The following CAPN13 variants were observed in gnomAD, a reference collection of about 807,000 sequenced individuals.
CAPN13 encodes calpain 13.
Under a neutral mutation model 98.4 loss-of-function variants are expected in CAPN13, and 90 were observed. The observed-to-expected ratio is 0.92, with a 90% CI of 0.77 to 1.09. The LOEUF (loss-of-function observed/expected upper bound fraction) is 1.09, where lower values mean the gene tolerates loss of function less well. Ranked by LOEUF, CAPN13 falls within the 50% of genes least tolerant of loss-of-function variation. CAPN13 has a pLI of 0.00. For synonymous variants in CAPN13, 330 were observed against 305.5 expected, an observed-to-expected ratio of 1.08 and a Z score of -0.84; for missense variants, 887 against 841.3, an observed-to-expected ratio of 1.05 and a Z score of -0.67.
intron 5 of CAPN13, among the ~76,000 whole-genome samples, chr2:30,770,096 C>T (rs1673321530): frequency 1.3e-5 from 2 of 152,214 alleles, no homozygotes; most frequent in African/African-American, 2.4e-5. Flanking sequence ...ATTGTCAGTG[C>T]ATATCTCTGT....
chr2:30,758,232 T>C, intron 7 of CAPN13, 95 bp from the exon 8 acceptor site: 1 of 889,056 alleles, frequency 1.1e-6, no homozygotes. Flanking sequence ...CAAGGACCAA[T>C]TTAACTTCTG....
chr2:30,771,329 G>T (rs1673397868), intron 4 of CAPN13, among the ~76,000 whole-genome samples: 1 of 152,226 alleles, frequency 6.6e-6, no homozygotes, highest in African/African-American at 2.4e-5. Flanking sequence ...TCCATGGAAA[G>T]CTGGGTGGAT....
chr2:30,793,305 T>G (rs919830415), intron 1 of CAPN13, among the ~76,000 whole-genome samples: 4 of 151,622 alleles, frequency 2.6e-5, no homozygotes, highest in East Asian at 1.9e-4. Flanking sequence ...AAAATTATAT[T>G]ATTATATAAT....
rs377670778 is a variant in CAPN13 at position 30,794,390 on chromosome 2, G to C, written c.-32-7033C>G. Among the ~76,000 whole-genome samples, 149 of 151,958 alleles carry C rather than the reference G, an allele frequency of 9.8e-4. 4 individuals are homozygous for C. The South Asian group carries it at 0.03, about 31-fold the overall frequency. ...TTTCTAATGGCCTAAAATTTAAAAA[G>C]ACTGATCACACTGTTTATGGGGAGA... is the stretch of plus-strand genomic sequence containing the variant. On this transcript the variant is annotated intron_variant, in intron 1 of 22. Coordinates refer to ENST00000295055, the MANE Select transcript of CAPN13 (RefSeq NM_144575.3).
chr2:30,806,481 G>T (rs1675634034), intron 1 of CAPN13, among the ~76,000 whole-genome samples: 1 of 152,178 alleles, frequency 6.6e-6, no homozygotes, highest in South Asian at 2.1e-4. Context: ...AATTCAAGAG[G>T]ATAATCTGAT....
intron 3 of CAPN13, 136 bp downstream of exon 3, chr2:30,777,431 G>A: frequency 2.8e-6 from 2 of 723,564 alleles, no homozygotes; most frequent in South Asian, 1.7e-5. Context: ...TGCAGGACTG[G>A]GCGTGAGCAG....
At chr2:30,738,676 CT>C (rs1453000792) in intron 15 of CAPN13, among the ~76,000 whole-genome samples, 1 of 152,192 alleles carries the variant, frequency 6.6e-6, no homozygotes, top group African/African-American at 2.4e-5. Flanking sequence ...TGCTTGGCCC[CT>C]GGTGTGGGTG....
chr2:30,758,134 G>T lies in CAPN13; in HGVS notation c.778C>A (p.Gln260Lys). 6.3e-7 allele frequency: 1 copy of T among 1,597,182 alleles called. No individual in the cohort carries two copies. Among genetic ancestry groups the T allele is most frequent in the Non-Finnish European group, 8.5e-7 (1 of 1,172,328 alleles). The change falls in exon 8 of 23, where the codon CAA becomes AAA. Residue 260 changes from glutamine to lysine, a missense_variant. Physicochemically the swap from Gln to Lys is moderately conservative, Grantham distance 53. Transcript: ENST00000295055. The part of the protein sequence containing the change: ...AYTVTGAEQI[Q>K]YRRGWEEIIS... ...ATTTCTTCCCAGCCCCTTCGGTATTGAATCTGTAAAGAAAACAGAAAAGGA... is the reference window on the plus strand; with the variant it reads ...ATTTCTTCCCAGCCCCTTCGGTATTTAATCTGTAAAGAAAACAGAAAAGGA...
intron 20 of CAPN13, among the ~76,000 whole-genome samples, chr2:30,731,929 A>T (rs1425874528): frequency 6.6e-6 from 1 of 152,082 alleles, no homozygotes; most frequent in African/African-American, 2.4e-5. Flanking sequence ...TCCTGCAATC[A>T]TGGTGGCCCC....
At chr2:30,756,329 C>T (rs1244833334) in intron 8 of CAPN13, among the ~76,000 whole-genome samples, 1 of 152,154 alleles carries the variant, frequency 6.6e-6, no homozygotes, top group African/African-American at 2.4e-5. Flanking sequence ...ATGCGTCCCC[C>T]TCCTATCTAG....
At chr2:30,757,260 G>T (rs148914048) in intron 8 of CAPN13, among the ~76,000 whole-genome samples, 73 of 152,326 alleles carry the variant, frequency 4.8e-4, no homozygotes, top group African/African-American at 1.7e-3. Flanking sequence ...AACCTGTTGC[G>T]GCCCCTCTGT....
At chr2:30,731,636 C>T (rs571991967) in intron 20 of CAPN13, among the ~76,000 whole-genome samples, 3 of 152,334 alleles carry the variant, frequency 2.0e-5, no homozygotes, top group Admixed American at 2.0e-4. Flanking sequence ...GCCCACACGC[C>T]TCTCCCTTTC....
intron 2 of CAPN13, among the ~76,000 whole-genome samples, chr2:30,786,701 C>T (rs1006143590): frequency 6.6e-6 from 1 of 152,126 alleles, no homozygotes; most frequent in Non-Finnish European, 1.5e-5. Context: ...GACTGACCTG[C>T]TATCTTCCCT....
At chr2:30,744,064 G>A (rs1671793253) in intron 12 of CAPN13, among the ~76,000 whole-genome samples, 1 of 152,104 alleles carries the variant, frequency 6.6e-6, no homozygotes, top group Non-Finnish European at 1.5e-5. Flanking sequence ...GGAGAATAAT[G>A]GGCCCTGATC....
At chr2:30,724,629 G>T (rs1670794887) in intron 22 of CAPN13, among the ~76,000 whole-genome samples, 1 of 152,160 alleles carries the variant, frequency 6.6e-6, no homozygotes, top group Non-Finnish European at 1.5e-5. Flanking sequence ...CCAGAAGGCT[G>T]GACACCCTGG....
intron 18 of CAPN13, among the ~76,000 whole-genome samples, chr2:30,734,832 G>T (rs1443107986): frequency 2.0e-5 from 3 of 152,248 alleles, no homozygotes; most frequent in East Asian, 3.9e-4. Flanking sequence ...GCGTAGGGTA[G>T]TGGTTAAGAG....
At chr2:30,745,338 A>G in intron 12 of CAPN13, 1 of 494,538 alleles carries the variant, frequency 2.0e-6, no homozygotes, top group South Asian at 1.5e-5. Flanking sequence ...GAGAGCATGC[A>G]TCCTGCTTAT....
chr2:30,742,437 G>C (rs905448133), intron 13 of CAPN13, 78 bp from the exon 14 acceptor site: 1 of 1,488,256 alleles, frequency 6.7e-7, no homozygotes, highest in Non-Finnish European at 9.2e-7. Flanking sequence ...GGGCACCCAG[G>C]TGGCACTGGA....
At chr2:30,739,721 A>G (rs1671557176) in intron 15 of CAPN13, among the ~76,000 whole-genome samples, 1 of 152,096 alleles carries the variant, frequency 6.6e-6, no homozygotes, top group African/African-American at 2.4e-5. Flanking sequence ...TTTTTCCTCC[A>G]TATTCCCATG....
Sources: allele counts gnomAD v4.1 joint callset (sites outside exome capture counted in the v4.1 genomes callset), GRCh38; gene constraint gnomAD v4.1.1; transcripts MANE v1.5; gene names NCBI Gene and HGNC (gene_info 2026-07-23, HGNC 2026-07-21).